Variants in DPP10 observed in about 807,000 individuals in gnomAD.
DPP10 encodes inactive dipeptidyl peptidase 10.
In DPP10, 33 loss-of-function variants were observed where a neutral mutation model predicts 120.9. The ratio of observed to expected loss-of-function variants is 0.27; its 90% CI spans 0.21 to 0.37. The LOEUF (loss-of-function observed/expected upper bound fraction) is 0.37. Among genes scored for constraint, DPP10 ranks in the 10% least tolerant of loss-of-function variants. The probability of loss-of-function intolerance (pLI) is 1.00; values close to 1 mark genes in which losing one functional copy is unlikely to be tolerated. For missense variants in DPP10, 816 were observed against 942.8 expected (o/e 0.87, Z 1.76); for synonymous variants, 337 against 326.1 (o/e 1.03, Z -0.36).
At position 115,032,896 on chromosome 2, in the gene DPP10, AAAG is replaced by A. The variant is rs1008331742; in HGVS notation, c.61-276322_61-276320del. Among the ~76,000 whole-genome samples the A allele has an allele frequency of 4.4e-3, 671 of 151,534 alleles. 1 individual carries two copies. The highest frequency in any genetic ancestry group is 0.011 in the African/African-American group (473 of 41,298). On this transcript the variant is annotated intron_variant, in intron 1 of 25. Transcript: ENST00000410059. ...CAAGACTCCGTCAAAAAAAAAAAAA[AAAG>A]AAGAAGAAGAAGAAGAAGAATATAG...
intron 5 of DPP10, among the ~76,000 whole-genome samples, chr2:115,679,004 T>C (rs2090469940): frequency 6.6e-6 from 1 of 152,220 alleles, no homozygotes; most frequent in Non-Finnish European, 1.5e-5. Flanking sequence ...ACCCAGTGCC[T>C]ATACCCCCAT....
intron 1 of DPP10, among the ~76,000 whole-genome samples, chr2:115,021,841 C>A (rs1004476739): frequency 2.0e-5 from 3 of 152,064 alleles, no homozygotes; most frequent in African/African-American, 7.2e-5. Context: ...ACCAGGGATG[C>A]AGGAATGGAT....
intron 4 of DPP10, among the ~76,000 whole-genome samples, chr2:115,500,556 G>C (rs1575030116): frequency 6.6e-6 from 1 of 151,896 alleles, no homozygotes; most frequent in East Asian, 1.9e-4. Flanking sequence ...ACATATTAAG[G>C]AGAAAAGGTC....
chr2:114,991,450 C>A (rs1186929857), intron 1 of DPP10, among the ~76,000 whole-genome samples: 1 of 152,154 alleles, frequency 6.6e-6, no homozygotes, highest in Non-Finnish European at 1.5e-5. Context: ...AAGGGTAATT[C>A]TCTTAAATAG....
At chr2:114,941,954 T>C (rs1696933869) in intron 1 of DPP10, among the ~76,000 whole-genome samples, 2 of 152,028 alleles carry the variant, frequency 1.3e-5, no homozygotes, top group African/African-American at 4.8e-5. Flanking sequence ...ATGACCTCTG[T>C]TCTGAACATT....
intron 21 of DPP10, among the ~76,000 whole-genome samples, chr2:115,827,325 A>ATGTATATGTATATGTATATGTATG (rs1458636592): frequency 6.8e-6 from 1 of 146,196 alleles, no homozygotes; most frequent in Admixed American, 6.9e-5. Flanking sequence ...GTACATGTAT[A>ATGTATATGTATATGTATATGTATG]TGTATATGTA....
At chr2:115,292,791 G>T (rs1464715265) in intron 1 of DPP10, among the ~76,000 whole-genome samples, 1 of 152,102 alleles carries the variant, frequency 6.6e-6, no homozygotes, top group African/African-American at 2.4e-5. Context: ...AACTTTTACT[G>T]AGGATCTGAG....
chr2:114,925,210 CAAAAA>C (rs66986816), intron 1 of DPP10, among the ~76,000 whole-genome samples: 13 of 104,814 alleles, frequency 1.2e-4, no homozygotes, highest in African/African-American at 3.1e-4. Flanking sequence ...GACTCTGTCT[CAAAAA>C]AAAAAAAAAA....
chr2:115,516,284 C>G (rs1244213530), intron 4 of DPP10, among the ~76,000 whole-genome samples: 1 of 152,132 alleles, frequency 6.6e-6, no homozygotes, highest in African/African-American at 2.4e-5. Flanking sequence ...GTCATTGTCA[C>G]TAAATTGGAC....
In DPP10 at chr2:114,738,057, C is replaced by T. The variant is rs566477393; in HGVS notation, c.60+295219C>T. ...GAAGCAGGCATAGTCTTCACATGGCCAGAGCAGGAGAGATAAAAAGAGAAG... is the reference window on the plus strand; with the variant it reads ...GAAGCAGGCATAGTCTTCACATGGCTAGAGCAGGAGAGATAAAAAGAGAAG... On this transcript the variant is annotated intron_variant, in intron 1 of 25. Transcript: ENST00000410059. 2.0e-3 allele frequency among the ~76,000 whole-genome samples: 307 copies of T among 152,200 alleles called. 2 individuals carry two copies. The highest frequency in any genetic ancestry group is 7.0e-3 in the African/African-American group (292 of 41,536).
In DPP10 at chr2:115,768,283, C is replaced by T. The variant is rs773457581; in HGVS notation, c.1114-14C>T. 31 of 1,611,762 alleles carry T rather than the reference C, an allele frequency of 1.9e-5. No individual in the cohort carries two copies. The highest frequency in any genetic ancestry group is 2.5e-5 in the Non-Finnish European group (29 of 1,178,412). On this transcript the variant is annotated splice_polypyrimidine_tract_variant and intron_variant, in intron 12 of 25. Transcript: ENST00000410059. The stretch of plus-strand genomic sequence containing the variant: ...TGCCTTTCTGAGATTGTTCTGTGCT[C>T]TTCTGTATTTTAGAATGAGGAGCCC...
chr2:115,609,118 G>T (rs1326277076), intron 5 of DPP10, among the ~76,000 whole-genome samples: 1 of 152,122 alleles, frequency 6.6e-6, no homozygotes. Context: ...AGAAACAGCA[G>T]ATTTGAAAAC....
chr2:114,532,296 T>TATATATACACAC (rs1342125338), intron 1 of DPP10, among the ~76,000 whole-genome samples: 73 of 74,702 alleles, frequency 9.8e-4, no homozygotes, highest in Non-Finnish European at 1.4e-3. Context: ...TATATATATA[T>TATATATACACAC]ACACACACAC....
chr2:114,745,874 A>T (rs1345826076), intron 1 of DPP10, among the ~76,000 whole-genome samples: 1 of 152,136 alleles, frequency 6.6e-6, no homozygotes, highest in East Asian at 1.9e-4. Flanking sequence ...CGTAGTCCCC[A>T]CTGTCCTTTC....
At chr2:114,974,645 G>A (rs1252856165) in intron 1 of DPP10, among the ~76,000 whole-genome samples, 3 of 152,006 alleles carry the variant, frequency 2.0e-5, no homozygotes, top group African/African-American at 7.2e-5. Flanking sequence ...CTGCCCTCAA[G>A]TGGTCCACCC....
At chr2:115,510,985 C>T (rs1442972940) in intron 4 of DPP10, among the ~76,000 whole-genome samples, 1 of 152,042 alleles carries the variant, frequency 6.6e-6, no homozygotes, top group Non-Finnish European at 1.5e-5. Context: ...GTGTTGAATG[C>T]TTATCCTGCC....
At chr2:115,558,409 G>A (rs2080354222) in intron 5 of DPP10, among the ~76,000 whole-genome samples, 1 of 152,130 alleles carries the variant, frequency 6.6e-6, no homozygotes, top group Non-Finnish European at 1.5e-5. Context: ...AGTTATTAAT[G>A]AAAACCATTG....
intron 1 of DPP10, among the ~76,000 whole-genome samples, chr2:114,809,689 T>C (rs1320832283): frequency 6.6e-6 from 1 of 152,140 alleles, no homozygotes; most frequent in East Asian, 1.9e-4. Context: ...CCCGTCCTCT[T>C]ACTTGGAGGC....
intron 1 of DPP10, among the ~76,000 whole-genome samples, chr2:114,563,355 A>G (rs1042127980): frequency 3.3e-5 from 5 of 151,530 alleles, no homozygotes; most frequent in African/African-American, 1.2e-4. Context: ...CTGGTGACAG[A>G]GCAAGACTCC....
Sources: gnomAD v4.1 joint callset for allele counts (sites outside exome capture counted in the v4.1 genomes callset) on GRCh38, gnomAD v4.1.1 for gene constraint, MANE v1.5 for transcripts, NCBI Gene and HGNC (gene_info 2026-07-23, HGNC 2026-07-21) for gene names.